ANKRD27: variants seen among roughly 807,000 people sequenced by gnomAD.
The protein encoded by ANKRD27 is ankyrin repeat domain 27, also known as ankyrin repeat domain-containing protein 27.
A neutral mutation model predicts 129.7 loss-of-function variants in ANKRD27; 112 were observed. The ratio of observed to expected loss-of-function variants is 0.86; its 90% CI spans 0.74 to 1.01. ANKRD27 has a LOEUF of 1.01. Among genes scored for constraint, ANKRD27 ranks in the 50% least tolerant of loss-of-function variants. ANKRD27 has a pLI of 0.00. For missense variants in ANKRD27, 1,258 were observed against 1,300.5 expected, an observed-to-expected ratio of 0.97 and a Z score of 0.50; for synonymous variants, 516 against 511.2, an observed-to-expected ratio of 1.01 and a Z score of -0.13.
chr19:32,632,517 G>A (rs1967013273), intron 12 of ANKRD27, among the ~76,000 whole-genome samples: 1 of 147,712 alleles, frequency 6.8e-6, no homozygotes, highest in Non-Finnish European at 1.5e-5. Context: ...CCCCGCAAGT[G>A]GAGGTTGCGG....
At chr19:32,620,048 C>A (rs1812045988) in intron 18 of ANKRD27, among the ~76,000 whole-genome samples, 2 of 152,082 alleles carry the variant, frequency 1.3e-5, no homozygotes, top group Non-Finnish European at 2.9e-5. Flanking sequence ...GGCAATAGAA[C>A]CCTCCTCCCA....
chr19:32,623,551 G>GTTTT (rs575591637), intron 17 of ANKRD27, among the ~76,000 whole-genome samples: 1 of 135,706 alleles, frequency 7.4e-6, no homozygotes. Context: ...GAGACCTGTT[G>GTTTT]TTTTTTTTTT....
chr19:32,611,644 C>T lies in ANKRD27; in HGVS notation c.2176-3812G>A, dbSNP rs546423438. ...TTCCCCAGGCTAGAGTGCAATGGCACGATCTCGGCTCACCGCAACCTCCGC... is the reference window on the plus strand; with the variant it reads ...TTCCCCAGGCTAGAGTGCAATGGCATGATCTCGGCTCACCGCAACCTCCGC... On this transcript the variant is annotated intron_variant, in intron 22 of 28. Transcript: ENST00000306065. Among the ~76,000 whole-genome samples, 11 of 152,336 alleles carry T rather than the reference C, an allele frequency of 7.2e-5. No individual in the cohort carries two copies. In the East Asian group the frequency reaches 1.5e-3, roughly 21 times the overall value.
chr19:32,607,772 A>C lies in ANKRD27; in HGVS notation c.2236T>G (p.Ser746Ala), dbSNP rs756308253. The change falls in exon 23 of 29, where the codon TCC becomes GCC. Residue 746 changes from serine (S) to alanine (A), a missense_variant. By Grantham distance (99) the Ser-to-Ala change is moderately conservative. Coordinates refer to ENST00000306065, the MANE Select transcript of ANKRD27 (RefSeq NM_032139.3). ...TGCAGGGCGGCGACATGCAGCGGGG[A>C]GGAGCCGTCCTGGCTGGTCACGTTC... ...GVNVTSQDGSSPLHVAALHGR... is the reference protein window; with the variant it reads ...GVNVTSQDGSAPLHVAALHGR... The C allele has an allele frequency of 2.2e-5, 35 of 1,612,422 alleles. No homozygotes were observed. In the African/African-American group the frequency reaches 4.5e-4, roughly 21 times the overall value.
At chr19:32,611,558 CTCTA>C (rs750843346) in intron 22 of ANKRD27, among the ~76,000 whole-genome samples, 7 of 152,160 alleles carry the variant, frequency 4.6e-5, no homozygotes, top group African/African-American at 7.2e-5. Context: ...GCTAACACCA[CTCTA>C]TCTATTTTAT....
chr19:32,630,043 C>T (rs544591843), intron 13 of ANKRD27, among the ~76,000 whole-genome samples: 58 of 152,082 alleles, frequency 3.8e-4, no homozygotes, highest in Non-Finnish European at 5.4e-4. Flanking sequence ...GCTGGGACTA[C>T]AAGTGCACAC....
chr19:32,602,146 A>C lies in ANKRD27; in HGVS notation c.2656-20T>G. 1 of 1,407,520 alleles carries C rather than the reference A, an allele frequency of 7.1e-7. No individual in the cohort carries two copies. The highest frequency in any genetic ancestry group is 1.0e-6 in the Non-Finnish European group (1 of 995,394). The allele number at this position is 1,407,520 out of a possible 1,614,324, so 87.2% of individuals were successfully genotyped here. Reference sequence around the variant, plus strand: ...TGAATTCTGCAATTTGAAAGGGAAAAGGAACAGTAATGTTTTTATTCTTTT... The same window carrying C: ...TGAATTCTGCAATTTGAAAGGGAAACGGAACAGTAATGTTTTTATTCTTTT... On this transcript the variant is annotated intron_variant, in intron 25 of 28. Transcript: ENST00000306065.
chr19:32,618,314 C>T lies in ANKRD27; in HGVS notation c.2008-681G>A, dbSNP rs1372971228. Among the ~76,000 whole-genome samples the T allele has an allele frequency of 4.0e-5, 6 of 151,862 alleles. No homozygotes were observed. In the East Asian group the frequency reaches 1.2e-3, roughly 29 times the overall value. On this transcript the variant is annotated intron_variant, in intron 20 of 28. Transcript: ENST00000306065. ...GCCACCCCTATGATTTAGAAAAATA[C>T]ACTTAGCTAAGTGCAGTGGCTCGGC... is the stretch of plus-strand genomic sequence containing the variant.
chr19:32,643,896 A>C (rs1967251292), intron 5 of ANKRD27: 2 of 516,468 alleles, frequency 3.9e-6, no homozygotes, highest in Non-Finnish European at 7.0e-6. Flanking sequence ...TTTTTAAGAG[A>C]CAGGGTCTCA....
rs757762431 is a variant in ANKRD27, at chr19:32,649,916, G to A, written c.103-124C>T. On this transcript the variant is annotated intron_variant, in intron 2 of 28. Transcript: ENST00000306065. The stretch of plus-strand genomic sequence containing the variant: ...GGACCTGCTGGCAGAGAGAACGCCC[G>A]AGGTCCCTTGCCAACACGGCCACAG... 5.9e-5 allele frequency: 41 copies of A among 697,654 alleles called. 1 individual carries two copies. The highest frequency in any genetic ancestry group is 6.4e-4 in the Middle Eastern group (2 of 3,140). 43.2% of individuals were successfully genotyped at this position (697,654 alleles called of 1,614,324 possible).
chr19:32,666,342 T>C (rs991768569), intron 1 of ANKRD27: 2 of 152,174 alleles, frequency 1.3e-5, no homozygotes, highest in Non-Finnish European at 2.9e-5. Context: ...ACCACTACCA[T>C]CAGAACTGGG....
In ANKRD27 at chr19:32,599,957, G is replaced by C. The variant is rs760027460; in HGVS notation, c.2846+15C>G. The C allele has an allele frequency of 1.9e-6, 3 of 1,604,656 alleles. No homozygotes were observed. Among genetic ancestry groups the C allele is most frequent in the East Asian group, 2.2e-5 (1 of 44,722 alleles). ...GGGGCAAAAGCACAGAAATCAACTT[G>C]AGTTTCATACTCACTTAAACTGACC... On this transcript the variant is annotated intron_variant, in intron 27 of 28. Coordinates refer to ENST00000306065, the MANE Select transcript of ANKRD27 (RefSeq NM_032139.3).
chr19:32,645,776 G>GTGCATGC (rs1967291318), intron 4 of ANKRD27, among the ~76,000 whole-genome samples: 1 of 152,090 alleles, frequency 6.6e-6, no homozygotes, highest in African/African-American at 2.4e-5. Context: ...GGGATTACAG[G>GTGCATGC]CACGCACCAC....
At chr19:32,614,658 C>G (rs376816460) in intron 22 of ANKRD27, among the ~76,000 whole-genome samples, 1 of 151,470 alleles carries the variant, frequency 6.6e-6, no homozygotes, top group Admixed American at 6.6e-5. Flanking sequence ...GAGCCAAGAT[C>G]GCCCGACAGA....
At chr19:32,626,168 T>C (rs1346556350) in intron 16 of ANKRD27, among the ~76,000 whole-genome samples, 1 of 152,154 alleles carries the variant, frequency 6.6e-6, no homozygotes, top group Non-Finnish European at 1.5e-5. Flanking sequence ...TTCCCCCATA[T>C]GATCAGGAAG....
intron 22 of ANKRD27, among the ~76,000 whole-genome samples, chr19:32,609,280 T>G (rs1056890932): frequency 2.7e-5 from 4 of 149,668 alleles, no homozygotes; most frequent in African/African-American, 5.1e-5. Flanking sequence ...TACTCCTAGG[T>G]GTTTACCCAA....
At chr19:32,646,666 C>A in intron 3 of ANKRD27, 51 bp from the exon 4 acceptor site, 1 of 1,585,036 alleles carries the variant, frequency 6.3e-7, no homozygotes, top group Admixed American at 1.8e-5. Flanking sequence ...AACCACATCC[C>A]ACTCTCAGCC....
Position 32,643,112 on chromosome 19 carries a change from C to CAAACCCTT in ANKRD27, c.782+3_782+10dup. ...CTGAGGACACCAAGCCGCTGTGGCG[C>CAAACCCTT]AAACCCTTACCTGAACTCCGGTTTC... is the stretch of plus-strand genomic sequence containing the variant. On this transcript the variant is annotated intron_variant, in intron 9 of 28. Coordinates refer to ENST00000306065, the MANE Select transcript of ANKRD27 (RefSeq NM_032139.3). 6.2e-7 allele frequency: 1 copy of CAAACCCTT among 1,613,538 alleles called. No individual in the cohort carries two copies. The highest frequency in any genetic ancestry group is 2.2e-5 in the East Asian group (1 of 44,844).
intron 2 of ANKRD27, among the ~76,000 whole-genome samples, chr19:32,653,312 C>T (rs976630261): frequency 3.9e-5 from 6 of 152,128 alleles, no homozygotes; most frequent in South Asian, 2.1e-4. Flanking sequence ...ACTAGGCCCC[C>T]GGAGCCTACT....
Sources: gnomAD v4.1 joint callset for allele counts (sites outside exome capture counted in the v4.1 genomes callset) on GRCh38, gnomAD v4.1.1 for gene constraint, MANE v1.5 for transcripts, NCBI Gene and HGNC (gene_info 2026-07-23, HGNC 2026-07-21) for gene names.